Variants in RPS6KA2 observed in about 807,000 individuals in gnomAD.
RPS6KA2 encodes the protein ribosomal protein S6 kinase alpha-2.
RPS6KA2 carries 42 observed loss-of-function variants against 91.8 expected under a neutral mutation model. The ratio of observed to expected loss-of-function variants is 0.46; its 90% CI spans 0.36 to 0.59. The LOEUF (loss-of-function observed/expected upper bound fraction) is 0.59, where lower values mean the gene tolerates loss of function less well. RPS6KA2 is among the 20% of genes least tolerant of loss of function. The pLI is 0.00. For synonymous variants in RPS6KA2, 414 were observed against 393.6 expected (o/e 1.05, Z -0.61); for missense variants, 798 against 978.5 (o/e 0.82, Z 2.46).
chr6:166,461,029 A>G (rs533512191), intron 11 of RPS6KA2, among the ~76,000 whole-genome samples: 1 of 152,050 alleles, frequency 6.6e-6, no homozygotes, highest in East Asian at 2.0e-4. Flanking sequence ...CAGGCCAGAA[A>G]CCAGGGCCCA....
rs569010031 is a variant in RPS6KA2 at position 166,550,729 on chromosome 6, G to A, written c.100-11945C>T. ...TTTTAAAGTGAAATTAGGGTTGGGCGCGATGGCTCACGCCTGTAATCCCAG... is the reference window on the plus strand; with the variant it reads ...TTTTAAAGTGAAATTAGGGTTGGGCACGATGGCTCACGCCTGTAATCCCAG... On this transcript the variant is annotated intron_variant, in intron 1 of 20. Transcript: ENST00000265678. Among the ~76,000 whole-genome samples, 9 of 152,126 alleles carry A rather than the reference G, an allele frequency of 5.9e-5. No individual in the cohort carries two copies. In the East Asian group the frequency reaches 9.6e-4, roughly 16 times the overall value.
rs1780772105 is a variant in RPS6KA2, at chr6:166,852,573, GCT to G, written c.123+5625_123+5626del. On this transcript the variant is annotated intron_variant, in intron 2 of 21. Transcript: ENST00000503859. This position sits in a 1 kb window ranked among gnomAD's most constrained non-coding sequence, Gnocchi z 4.1. ...AGAGCTCCTGAACACACCCGGCCTGGCTCTCTCTTTCACCCTTTCTGCCTGTT... is the reference window on the plus strand; with the variant it reads ...AGAGCTCCTGAACACACCCGGCCTGGCTCTCTTTCACCCTTTCTGCCTGTT... Among the ~76,000 whole-genome samples the G allele has an allele frequency of 6.6e-6, 1 of 152,192 alleles. No homozygotes were observed. The highest frequency in any genetic ancestry group is 2.4e-5 in the African/African-American group (1 of 41,510).
At position 166,410,442 on chromosome 6, in the gene RPS6KA2, G is replaced by A. The variant is rs371381861; in HGVS notation, c.*2320C>T. ...TTTAGGCTGACTTTTGTGGAAGGAT[G>A]TCAAGTATCATTTTGTTCTGGATAT... On this transcript the variant is annotated 3_prime_UTR_variant, in exon 21 of 21. Transcript: ENST00000265678. 2.6e-5 allele frequency: 4 copies of A among 152,728 alleles called. No homozygotes were observed. Among genetic ancestry groups the A allele is most frequent in the Non-Finnish European group, 4.4e-5 (3 of 68,032 alleles). 9.5% of individuals were successfully genotyped at this position (152,728 alleles called of 1,614,324 possible). A position where few individuals can be genotyped will look rare whatever the true frequency, so the allele number is the denominator to read the frequency against.
At chr6:166,594,705 G>A (rs947138306) in intron 1 of RPS6KA2, among the ~76,000 whole-genome samples, 37 of 152,214 alleles carry the variant, frequency 2.4e-4, no homozygotes, top group African/African-American at 8.4e-4. Flanking sequence ...CTCGTGATCC[G>A]CCCGCCTCGG....
intron 2 of RPS6KA2, among the ~76,000 whole-genome samples, chr6:166,645,131 C>A (rs1024169540): frequency 6.6e-6 from 1 of 152,192 alleles, no homozygotes; most frequent in Non-Finnish European, 1.5e-5. Context: ...TTATGGCAGA[C>A]CTAGAAAATG....
In RPS6KA2 at chr6:166,616,684, G is replaced by T. The variant is rs1311013127; in HGVS notation, c.99+10237C>A. On this transcript the variant is annotated intron_variant, in intron 1 of 20. Coordinates refer to ENST00000265678, the MANE Select transcript of RPS6KA2 (RefSeq NM_021135.6). The stretch of plus-strand genomic sequence containing the variant: ...CTCCCTCTGCCAGGCCAGAGCCCAG[G>T]CCCACAGCTCTGAGCTGCATGTGGG... 2.0e-5 allele frequency among the ~76,000 whole-genome samples: 3 copies of T among 152,226 alleles called. No homozygotes were observed. The East Asian group carries it at 5.8e-4, about 29-fold the overall frequency.
rs147418015 is a variant in RPS6KA2 at position 166,703,769 on chromosome 6, G to A, written c.123+154431C>T. Among the ~76,000 whole-genome samples the A allele has an allele frequency of 2.5e-3, 384 of 152,304 alleles. 2 individuals carry two copies. Among genetic ancestry groups the A allele is most frequent in the African/African-American group, 8.6e-3 (359 of 41,568 alleles). On this transcript the variant is annotated intron_variant, in intron 2 of 21. Coordinates refer to the RPS6KA2 transcript ENST00000503859. Reference sequence around the variant, plus strand: ...TGCACTGACTGACTACAATTCAGAAGAGCTGCAGCTGCCAATGTCCTTTCT... The same window carrying A: ...TGCACTGACTGACTACAATTCAGAAAAGCTGCAGCTGCCAATGTCCTTTCT...
intron 2 of RPS6KA2, among the ~76,000 whole-genome samples, chr6:166,681,006 C>T (rs570437254): frequency 2.0e-5 from 3 of 152,202 alleles, no homozygotes; most frequent in African/African-American, 7.2e-5. Flanking sequence ...TCTTTTTTAA[C>T]AGCAGCCGCT....
At chr6:166,755,799 A>T (rs1777991037) in intron 2 of RPS6KA2, among the ~76,000 whole-genome samples, 1 of 152,288 alleles carries the variant, frequency 6.6e-6, no homozygotes, top group South Asian at 2.1e-4. Context: ...CAGAGCAAAC[A>T]ACTGCATGAG....
chr6:166,597,726 A>C (rs1156515039), intron 1 of RPS6KA2, among the ~76,000 whole-genome samples: 1 of 152,194 alleles, frequency 6.6e-6, no homozygotes, highest in Admixed American at 6.5e-5. Flanking sequence ...GTAGCCTCAA[A>C]ATGACCATTT....
chr6:166,834,915 C>T (rs1162849490), intron 2 of RPS6KA2, among the ~76,000 whole-genome samples: 3 of 151,890 alleles, frequency 2.0e-5, no homozygotes, highest in Admixed American at 1.3e-4. Flanking sequence ...CCTAAACCAG[C>T]GATGATTTAT....
chr6:166,525,308 T>C (rs1347587104), intron 3 of RPS6KA2, among the ~76,000 whole-genome samples: 1 of 152,192 alleles, frequency 6.6e-6, no homozygotes, highest in Admixed American at 6.5e-5. Flanking sequence ...TATGGAAGCT[T>C]TGTCAAGTTA....
At chr6:166,449,547 C>A (rs1357126157) in intron 13 of RPS6KA2, among the ~76,000 whole-genome samples, 1 of 152,090 alleles carries the variant, frequency 6.6e-6, no homozygotes, top group Non-Finnish European at 1.5e-5. Context: ...TACCACCTTC[C>A]AAAGACCTCC....
intron 2 of RPS6KA2, chr6:166,757,567 C>T (rs921912362): frequency 2.2e-6 from 1 of 456,210 alleles, no homozygotes; most frequent in African/African-American, 2.0e-5. Flanking sequence ...GTGTGGCAGC[C>T]TGATCATCAT....
At chr6:166,829,437 A>G (rs908374539) in intron 2 of RPS6KA2, among the ~76,000 whole-genome samples, 12 of 151,988 alleles carry the variant, frequency 7.9e-5, no homozygotes, top group Non-Finnish European at 1.3e-4. Context: ...TAAATATACA[A>G]AAAATTAGCC....
At chr6:166,711,654 G>A (rs1428745331) in intron 2 of RPS6KA2, among the ~76,000 whole-genome samples, 1 of 151,844 alleles carries the variant, frequency 6.6e-6, no homozygotes, top group Non-Finnish European at 1.5e-5. Flanking sequence ...AGGGAACAAA[G>A]GAAAGAAACA....
At chr6:166,759,425 C>T (rs909918874) in intron 2 of RPS6KA2, among the ~76,000 whole-genome samples, 1 of 152,184 alleles carries the variant, frequency 6.6e-6, no homozygotes, top group Non-Finnish European at 1.5e-5. Context: ...GAAGAAAATG[C>T]CTCTGTCTTC....
Position 166,784,677 on chromosome 6 carries a change from T to TA in RPS6KA2, c.123+73522dup, listed in dbSNP as rs1458543435. On this transcript the variant is annotated intron_variant, in intron 2 of 21. Coordinates refer to the RPS6KA2 transcript ENST00000503859. ...ATATACACATGTGCACACCTATCTA[T>TA]ACCACATATATACACGTGCACACCT... Among the ~76,000 whole-genome samples the TA allele has an allele frequency of 5.5e-3, 90 of 16,326 alleles. 1 individual carries two copies. The highest frequency in any genetic ancestry group is 7.9e-3 in the Non-Finnish European group (67 of 8,508). 10.7% of individuals were successfully genotyped at this position (16,326 alleles called of 152,430 possible).
intron 2 of RPS6KA2, among the ~76,000 whole-genome samples, chr6:166,641,257 A>T (rs1006087055): frequency 2.6e-5 from 4 of 152,336 alleles, no homozygotes; most frequent in South Asian, 4.1e-4. Context: ...CTGTACAGAT[A>T]GCAAAGGTTA....
Sources: gnomAD v4.1 joint callset for allele counts (sites outside exome capture counted in the v4.1 genomes callset) on GRCh38, gnomAD v4.1.1 for gene constraint, Gnocchi (gnomAD v3.1) non-coding constraint, MANE v1.5 for transcripts, NCBI Gene and HGNC (gene_info 2026-07-23, HGNC 2026-07-21) for gene names.